SPAG16: variants seen among roughly 807,000 people sequenced by gnomAD.
SPAG16 encodes the protein sperm associated antigen 16.
SPAG16 carries 86 observed loss-of-function variants against 80.4 expected under a neutral mutation model. That is an observed-to-expected ratio of 1.07 (90% CI 0.90 to 1.28). SPAG16 has a LOEUF of 1.28. Among genes scored for constraint, SPAG16 ranks in the 50% most tolerant of loss-of-function variants. The pLI is 0.00. For missense variants in SPAG16, 870 were observed against 765.3 expected (o/e 1.14, Z -1.61); for synonymous variants, 294 against 265.9 (o/e 1.11, Z -1.03).
rs370476735 is a variant in SPAG16 at position 214,152,891 on chromosome 2, G to T, written c.1720+3625G>T. Among the ~76,000 whole-genome samples the T allele has an allele frequency of 6.4e-4, 97 of 152,198 alleles. 1 individual carries two copies. In the South Asian group the frequency reaches 0.012, roughly 19 times the overall value. ...TATTTCTGCATATCAGAGACTTTTA[G>T]TACTTTCACTAATTGACTACTGCTA... On this transcript the variant is annotated intron_variant, in intron 15 of 15. Coordinates refer to ENST00000331683, the MANE Select transcript of SPAG16 (RefSeq NM_024532.5).
At chr2:213,960,253 CAACA>C (rs1360680535) in intron 12 of SPAG16, among the ~76,000 whole-genome samples, 2 of 152,014 alleles carry the variant, frequency 1.3e-5, no homozygotes, top group African/African-American at 4.8e-5. Context: ...CCATTGTGTT[CAACA>C]TTGTTTTTTG....
chr2:213,621,414 G>C (rs1559317490), intron 10 of SPAG16, among the ~76,000 whole-genome samples: 1 of 152,130 alleles, frequency 6.6e-6, no homozygotes, highest in Non-Finnish European at 1.5e-5. Flanking sequence ...AAGACTTGCT[G>C]TATTATTAAA....
intron 10 of SPAG16, among the ~76,000 whole-genome samples, chr2:213,542,009 CA>C (rs35148800): frequency 7.9e-5 from 12 of 151,702 alleles, no homozygotes; most frequent in Admixed American, 2.6e-4. Context: ...TTTAATCCAG[CA>C]AAAAAAGTCT....
At position 213,463,077 on chromosome 2, in the gene SPAG16, G is replaced by T. The variant is rs565671927; in HGVS notation, c.943-26886G>T. ...TGTCTGAGATGGAAATGAGGAACTT[G>T]TTGGGAACTGGAGTGAAGGTCACTC... On this transcript the variant is annotated intron_variant, in intron 9 of 15. Transcript: ENST00000331683. Among the ~76,000 whole-genome samples the T allele has an allele frequency of 2.0e-5, 3 of 152,330 alleles. No homozygotes were observed. The South Asian group carries it at 6.2e-4, about 32-fold the overall frequency.
intron 12 of SPAG16, among the ~76,000 whole-genome samples, chr2:214,000,161 C>T (rs763891310): frequency 5.0e-4 from 76 of 152,128 alleles, no homozygotes; most frequent in Admixed American, 3.5e-3. Flanking sequence ...GTGTCCCCAC[C>T]CACATCTCAT....
intron 15 of SPAG16, among the ~76,000 whole-genome samples, chr2:214,320,726 C>T (rs902955756): frequency 6.6e-6 from 1 of 152,144 alleles, no homozygotes; most frequent in Non-Finnish European, 1.5e-5. Flanking sequence ...AGGAGAACAG[C>T]ATGGGGGAAA....
At chr2:213,341,326 C>T (rs899756589) in intron 6 of SPAG16, among the ~76,000 whole-genome samples, 16 of 152,140 alleles carry the variant, frequency 1.1e-4, no homozygotes, top group Non-Finnish European at 1.8e-4. Flanking sequence ...GATAGCTGCG[C>T]GATTGCATAA....
At chr2:214,243,711 A>G (rs901883539) in intron 15 of SPAG16, among the ~76,000 whole-genome samples, 2 of 152,142 alleles carry the variant, frequency 1.3e-5, no homozygotes, top group Non-Finnish European at 2.9e-5. Flanking sequence ...ACATGCAATT[A>G]GTGATTACAG....
chr2:213,678,671 C>A (rs2064224150), intron 10 of SPAG16, among the ~76,000 whole-genome samples: 1 of 152,128 alleles, frequency 6.6e-6, no homozygotes. Context: ...TCTGTCCTAC[C>A]CTCCTACTGC....
intron 5 of SPAG16, among the ~76,000 whole-genome samples, chr2:213,326,156 T>C (rs920371012): frequency 3.9e-5 from 6 of 151,992 alleles, no homozygotes. Flanking sequence ...TTGGGATTAC[T>C]AACAGGAAGA....
chr2:213,663,182 T>C lies in SPAG16; in HGVS notation c.1070+173092T>C, dbSNP rs537288358. Among the ~76,000 whole-genome samples, 4 of 152,248 alleles carry C rather than the reference T, an allele frequency of 2.6e-5. No individual in the cohort carries two copies. In the South Asian group the frequency reaches 6.2e-4, roughly 24 times the overall value. ...CATCTGCCAGTTCACAGAAGGTGTT[T>C]ATTTTCATGATGAAATAGGAAAATA... On this transcript the variant is annotated intron_variant, in intron 10 of 15. Coordinates refer to ENST00000331683, the MANE Select transcript of SPAG16 (RefSeq NM_024532.5).
In SPAG16 at chr2:214,221,534, A is replaced by T. The variant is rs116171180; in HGVS notation, c.1720+72268A>T. ...TAAGATGTCCCACTGAATGTCATAG[A>T]TATTAGGAATGGCTTATCTTTCTCT... is the stretch of plus-strand genomic sequence containing the variant. On this transcript the variant is annotated intron_variant, in intron 15 of 15. Coordinates refer to ENST00000331683, the MANE Select transcript of SPAG16 (RefSeq NM_024532.5). Among the ~76,000 whole-genome samples the T allele has an allele frequency of 5.0e-3, 755 of 152,294 alleles. 5 individuals are homozygous for T. The highest frequency in any genetic ancestry group is 0.017 in the African/African-American group (715 of 41,572).
At chr2:213,855,311 C>T (rs9288472) in intron 10 of SPAG16, among the ~76,000 whole-genome samples, 52,301 of 151,998 alleles carry the variant, frequency 0.34, 9,450 homozygotes, top group South Asian at 0.47. Flanking sequence ...GTTGAGCTAA[C>T]TCTACTTAAA....
At chr2:214,336,395 GGTATAAACAAA>G (rs972923560) in intron 15 of SPAG16, among the ~76,000 whole-genome samples, 50 of 152,050 alleles carry the variant, frequency 3.3e-4, no homozygotes, top group African/African-American at 1.1e-3. Context: ...AAATTAAATA[GGTATAAACAAA>G]GAATAATTCA....
At chr2:213,609,957 A>G (rs1280001562) in intron 10 of SPAG16, among the ~76,000 whole-genome samples, 6 of 152,068 alleles carry the variant, frequency 3.9e-5, no homozygotes, top group African/African-American at 1.2e-4. Flanking sequence ...GCAGCCTTCA[A>G]TTAGGGATTA....
At chr2:214,363,748 G>T (rs1231664597) in intron 15 of SPAG16, among the ~76,000 whole-genome samples, 1 of 152,044 alleles carries the variant, frequency 6.6e-6, no homozygotes, top group South Asian at 2.1e-4. Context: ...GAAACCAAAG[G>T]TTACAAAGAC....
At chr2:213,707,165 A>AAT (rs375340104) in intron 10 of SPAG16, among the ~76,000 whole-genome samples, 8 of 152,240 alleles carry the variant, frequency 5.3e-5, no homozygotes, top group African/African-American at 1.9e-4. Flanking sequence ...TTGAAGGCTT[A>AAT]ATATCACAGT....
chr2:213,433,543 G>A (rs889154232), intron 9 of SPAG16, among the ~76,000 whole-genome samples: 4 of 152,070 alleles, frequency 2.6e-5, no homozygotes, highest in African/African-American at 4.8e-5. Context: ...ATTTAACCAA[G>A]GAGATGAAAT....
At chr2:213,448,636 A>G (rs1171733478) in intron 9 of SPAG16, among the ~76,000 whole-genome samples, 4 of 152,224 alleles carry the variant, frequency 2.6e-5, no homozygotes, top group African/African-American at 9.7e-5. Context: ...AGGGACCCAA[A>G]TGGAGGGACG....
Sources: gnomAD v4.1 joint callset for allele counts (sites outside exome capture counted in the v4.1 genomes callset) on GRCh38, gnomAD v4.1.1 for gene constraint, MANE v1.5 for transcripts, NCBI Gene and HGNC (gene_info 2026-07-23, HGNC 2026-07-21) for gene names.